Variants in PRKN observed in about 807,000 individuals in gnomAD.
The protein encoded by PRKN is parkin RBR E3 ubiquitin protein ligase, also known as E3 ubiquitin-protein ligase parkin.
A neutral mutation model predicts 59.5 loss-of-function variants in PRKN; 56 were observed. The ratio of observed to expected loss-of-function variants is 0.94; its 90% confidence interval spans 0.76 to 1.18. The LOEUF (loss-of-function observed/expected upper bound fraction) is 1.18, where lower values mean the gene tolerates loss of function less well. PRKN is among the 50% of genes most tolerant of loss of function. The pLI is 0.00. For synonymous variants in PRKN, 250 were observed against 222.1 expected, an observed-to-expected ratio of 1.13 and a Z score of -1.12; for missense variants, 657 against 596.4, an observed-to-expected ratio of 1.10 and a Z score of -1.06.
intron 1 of PRKN, among the ~76,000 whole-genome samples, chr6:162,537,838 A>C (rs1285544169): frequency 6.6e-6 from 1 of 152,056 alleles, no homozygotes; most frequent in Non-Finnish European, 1.5e-5. Flanking sequence ...GGGATGCTTT[A>C]ATATTTATAG....
chr6:162,527,121 G>A (rs1484882723), intron 1 of PRKN, among the ~76,000 whole-genome samples: 2 of 152,204 alleles, frequency 1.3e-5, no homozygotes, highest in Non-Finnish European at 2.9e-5. Flanking sequence ...CTTAATCGAA[G>A]GTAGGAGGAG....
chr6:162,381,619 T>A (rs1158532559), intron 2 of PRKN, among the ~76,000 whole-genome samples: 1 of 152,204 alleles, frequency 6.6e-6, no homozygotes, highest in South Asian at 2.1e-4. Flanking sequence ...ACCACAATAC[T>A]CTCAAAAGAT....
At chr6:162,640,490 A>G (rs796683963) in intron 1 of PRKN, among the ~76,000 whole-genome samples, 1 of 152,294 alleles carries the variant, frequency 6.6e-6, no homozygotes, top group African/African-American at 2.4e-5. Context: ...TATTAAACTG[A>G]GGCTTAGAGA....
chr6:162,157,968 T>A (rs2849604), intron 4 of PRKN, among the ~76,000 whole-genome samples: 146,185 of 152,094 alleles, frequency 0.96, 70,482 homozygotes, highest in Non-Finnish European at 1. Flanking sequence ...AATATCTGAA[T>A]TCATATTAAA....
chr6:162,208,393 A>T (rs1049097165), intron 3 of PRKN, among the ~76,000 whole-genome samples: 1 of 152,236 alleles, frequency 6.6e-6, no homozygotes, highest in Non-Finnish European at 1.5e-5. Flanking sequence ...TCTACACTTA[A>T]AAGTTATAAC....
intron 6 of PRKN, among the ~76,000 whole-genome samples, chr6:161,789,455 A>G (rs1296893871): frequency 6.6e-6 from 1 of 152,082 alleles, no homozygotes; most frequent in Non-Finnish European, 1.5e-5. Context: ...GTTCCTGTAC[A>G]CCTAGATGCA....
rs761372869 is a variant in PRKN, at chr6:161,393,819, T to C, written c.1084-6942A>G. Reference sequence around the variant, plus strand: ...CATCTATTATAAAAGCATTCTATTATGTGCATTTATTTTTCTTCCACGGCT... The same window carrying C: ...CATCTATTATAAAAGCATTCTATTACGTGCATTTATTTTTCTTCCACGGCT... On this transcript the variant is annotated intron_variant, in intron 9 of 11. Coordinates refer to ENST00000366898, the MANE Select transcript of PRKN (RefSeq NM_004562.3). This position sits in a 1 kb window ranked among gnomAD's most constrained non-coding sequence, Gnocchi z 4.7. Among the ~76,000 whole-genome samples the C allele has an allele frequency of 3.9e-5, 6 of 152,090 alleles. No homozygotes were observed. The highest frequency in any genetic ancestry group is 1.4e-4 in the African/African-American group (6 of 41,466).
intron 2 of PRKN, among the ~76,000 whole-genome samples, chr6:162,354,644 A>G (rs1784768342): frequency 6.6e-6 from 1 of 152,074 alleles, no homozygotes; most frequent in Admixed American, 6.6e-5. Flanking sequence ...CAATGAAGCA[A>G]TAAAGCATAC....
At chr6:162,011,888 A>G (rs1452516775) in intron 5 of PRKN, among the ~76,000 whole-genome samples, 1 of 88,208 alleles carries the variant, frequency 1.1e-5, no homozygotes, top group Non-Finnish European at 2.1e-5. Context: ...AAATTGTACT[A>G]TAAATGCTGT....
intron 2 of PRKN, among the ~76,000 whole-genome samples, chr6:162,268,660 C>G (rs912173043): frequency 1.9e-4 from 29 of 152,108 alleles, no homozygotes; most frequent in Non-Finnish European, 3.2e-4. Flanking sequence ...CAAAGGGGAG[C>G]CACAGAGAAG....
intron 6 of PRKN, among the ~76,000 whole-genome samples, chr6:161,910,640 A>G (rs111453413): frequency 2.0e-4 from 30 of 152,226 alleles, no homozygotes; most frequent in African/African-American, 6.8e-4. Context: ...TTTTGAAGGA[A>G]GTTCTACCAT....
chr6:162,012,960 T>C (rs1409941707), intron 5 of PRKN, among the ~76,000 whole-genome samples: 1 of 152,172 alleles, frequency 6.6e-6, no homozygotes, highest in Non-Finnish European at 1.5e-5. Context: ...ATTTTTATTT[T>C]TATGTTGAAT....
At chr6:162,611,030 T>G (rs1165537914) in intron 1 of PRKN, among the ~76,000 whole-genome samples, 1 of 152,208 alleles carries the variant, frequency 6.6e-6, no homozygotes, top group Non-Finnish European at 1.5e-5. Flanking sequence ...TAGATTTTAT[T>G]TTTTGTATAT....
intron 1 of PRKN, 106 bp downstream of exon 1, chr6:162,727,556 C>T: frequency 1.6e-6 from 2 of 1,254,486 alleles, no homozygotes; most frequent in Non-Finnish European, 2.3e-6. Flanking sequence ...TTGGCCCCGT[C>T]ATTGACAGTT....
intron 1 of PRKN, among the ~76,000 whole-genome samples, chr6:162,586,320 G>A (rs956741160): frequency 6.6e-6 from 1 of 152,332 alleles, no homozygotes; most frequent in South Asian, 2.1e-4. Flanking sequence ...CATCTCCGAA[G>A]TTATTGTGTT....
In PRKN at chr6:161,502,639, TG is replaced by T. The variant is rs1778003921; in HGVS notation, c.1083+46214del. On this transcript the variant is annotated intron_variant, in intron 9 of 11. Coordinates refer to ENST00000366898, the MANE Select transcript of PRKN (RefSeq NM_004562.3). The surrounding 1 kb of genome is among the most constrained non-coding windows in gnomAD (Gnocchi z 4.0). ...CAGTAACAAGCAGGGAAGAGAGAAA[TG>T]GGGGATTTGGGAGTAGCAACCTCTG... is the stretch of plus-strand genomic sequence containing the variant. Among the ~76,000 whole-genome samples, 1 of 151,648 alleles carries T rather than the reference TG, an allele frequency of 6.6e-6. No homozygotes were observed. The highest frequency in any genetic ancestry group is 6.6e-5 in the Admixed American group (1 of 15,216).
chr6:162,387,418 T>G (rs1786890774), intron 2 of PRKN, among the ~76,000 whole-genome samples: 2 of 152,088 alleles, frequency 1.3e-5, no homozygotes, highest in Admixed American at 6.6e-5. Flanking sequence ...GAATAATTTT[T>G]GTTGTTCATA....
intron 2 of PRKN, among the ~76,000 whole-genome samples, chr6:162,264,260 G>C (rs1384029413): frequency 6.6e-6 from 1 of 152,086 alleles, no homozygotes; most frequent in East Asian, 1.9e-4. Context: ...CTGGGCAACA[G>C]AGAGAGAGAC....
At chr6:161,954,365 C>T (rs1244591152) in intron 6 of PRKN, among the ~76,000 whole-genome samples, 1 of 152,238 alleles carries the variant, frequency 6.6e-6, no homozygotes, top group Admixed American at 6.5e-5. Context: ...TGCCACATCA[C>T]TGATGCCGCC....
Sources: gnomAD v4.1 joint callset for allele counts (sites outside exome capture counted in the v4.1 genomes callset) on GRCh38, gnomAD v4.1.1 for gene constraint, Gnocchi (gnomAD v3.1) non-coding constraint, MANE v1.5 for transcripts, NCBI Gene and HGNC (gene_info 2026-07-23, HGNC 2026-07-21) for gene names.